XRCC5: variants seen among roughly 807,000 people sequenced by gnomAD.
XRCC5 encodes DNA repair protein Ku80.
Under a neutral mutation model 95.7 loss-of-function variants are expected in XRCC5, and 12 were observed. That is an observed-to-expected ratio of 0.13 (90% CI 0.08 to 0.20). XRCC5 has a LOEUF of 0.20. XRCC5 is among the 10% of genes least tolerant of loss of function. The pLI is 1.00. For missense variants in XRCC5, 595 were observed against 873.9 expected (o/e 0.68, Z 4.02); for synonymous variants, 281 against 290.3 (o/e 0.97, Z 0.33).
chr2:216,121,761 A>G (rs1207083845), intron 5 of XRCC5, among the ~76,000 whole-genome samples: 2 of 152,306 alleles, frequency 1.3e-5, no homozygotes, highest in East Asian at 1.9e-4. Context: ...AAGGTAAAAT[A>G]GAGACAGAGA....
At chr2:216,176,831 CA>C (rs1689287061) in intron 16 of XRCC5, among the ~76,000 whole-genome samples, 1 of 152,152 alleles carries the variant, frequency 6.6e-6, no homozygotes, top group Non-Finnish European at 1.5e-5. Context: ...CTAATATAGG[CA>C]TTTAAAGCTA....
chr2:216,195,345 T>TTTTTCTTTTCTTTTC (rs10623248), intron 19 of XRCC5, among the ~76,000 whole-genome samples: 8,347 of 125,162 alleles, frequency 0.067, 430 homozygotes, highest in East Asian at 0.15. Flanking sequence ...GTTTTTCTTT[T>TTTTTCTTTTCTTTTC]TTTTCTTTTC....
intron 19 of XRCC5, among the ~76,000 whole-genome samples, chr2:216,202,460 GTA>G (rs1252326553): frequency 1.3e-5 from 2 of 152,186 alleles, no homozygotes; most frequent in Non-Finnish European, 2.9e-5. Flanking sequence ...GCTAGTAAAT[GTA>G]TAGATTTTTT....
At chr2:216,189,547 T>C (rs1689575392) in intron 16 of XRCC5, among the ~76,000 whole-genome samples, 1 of 152,262 alleles carries the variant, frequency 6.6e-6, no homozygotes, top group African/African-American at 2.4e-5. Context: ...GCATTTTCTC[T>C]TTCTGTAGCA....
intron 1 of XRCC5, 115 bp downstream of exon 1, chr2:216,109,572 C>G: frequency 1.4e-6 from 2 of 1,467,680 alleles, no homozygotes; most frequent in Non-Finnish European, 9.3e-7. Flanking sequence ...AAGAGAAGAT[C>G]ATGGTGGTGG....
intron 19 of XRCC5, among the ~76,000 whole-genome samples, chr2:216,201,757 A>C (rs1044808829): frequency 2.6e-5 from 4 of 152,142 alleles, no homozygotes; most frequent in Non-Finnish European, 5.9e-5. Context: ...TTTTATTGAG[A>C]AAGCAGGCCA....
intron 1 of XRCC5, among the ~76,000 whole-genome samples, chr2:216,112,348 A>G (rs1486336286): frequency 6.6e-6 from 1 of 152,210 alleles, no homozygotes; most frequent in Non-Finnish European, 1.5e-5. Context: ...CCGCTCTGGT[A>G]TCCCCTCCAC....
intron 3 of XRCC5, chr2:216,117,149 A>G (rs892015424): frequency 1.5e-4 from 44 of 284,370 alleles, no homozygotes; most frequent in African/African-American, 9.1e-4. Context: ...AGAGGGTTTT[A>G]GTGGTGCTCG....
intron 16 of XRCC5, among the ~76,000 whole-genome samples, chr2:216,163,976 TAGAAGG>T (rs1689003910): frequency 6.6e-6 from 1 of 152,182 alleles, no homozygotes. Flanking sequence ...CTCATGTAAA[TAGAAGG>T]AGATCTGAAG....
At chr2:216,194,489 G>C (rs1005850978) in intron 18 of XRCC5, among the ~76,000 whole-genome samples, 1 of 152,246 alleles carries the variant, frequency 6.6e-6, no homozygotes, top group African/African-American at 2.4e-5. Flanking sequence ...GATTTCTAAA[G>C]AAGGGGAGAC....
chr2:216,188,691 A>G (rs936067547), intron 16 of XRCC5, among the ~76,000 whole-genome samples: 1 of 152,170 alleles, frequency 6.6e-6, no homozygotes, highest in African/African-American at 2.4e-5. Context: ...TTCAAGCTGA[A>G]AAGGGGAGAT....
chr2:216,133,677 G>C (rs1259544260), intron 10 of XRCC5, among the ~76,000 whole-genome samples: 2 of 152,152 alleles, frequency 1.3e-5, no homozygotes, highest in Non-Finnish European at 2.9e-5. Flanking sequence ...ACTAATTTCT[G>C]TATATCATAG....
intron 17 of XRCC5, among the ~76,000 whole-genome samples, chr2:216,191,877 A>C (rs953575294): frequency 6.6e-6 from 1 of 152,196 alleles, no homozygotes; most frequent in Non-Finnish European, 1.5e-5. Flanking sequence ...TATTTCATAC[A>C]AGAATATTCA....
chr2:216,135,829 G>A (rs2106011767), intron 10 of XRCC5, among the ~76,000 whole-genome samples: 1 of 151,898 alleles, frequency 6.6e-6, no homozygotes, highest in South Asian at 2.1e-4. Flanking sequence ...TGAGAATGGT[G>A]CGGTGGCATT....
chr2:216,197,448 G>GAAA (rs369842827), intron 19 of XRCC5, among the ~76,000 whole-genome samples: 8 of 110,312 alleles, frequency 7.3e-5, no homozygotes, highest in East Asian at 2.6e-4. Context: ...TCTGTCCCAG[G>GAAA]AAAAAAAAAA....
chr2:216,136,162 G>A (rs2106011935), intron 10 of XRCC5, among the ~76,000 whole-genome samples: 1 of 152,150 alleles, frequency 6.6e-6, no homozygotes, highest in South Asian at 2.1e-4. Flanking sequence ...TTTGAGACCA[G>A]CCTGACCAAC....
At chr2:216,138,821 G>C (rs755962540) in intron 12 of XRCC5, among the ~76,000 whole-genome samples, 2 of 151,748 alleles carry the variant, frequency 1.3e-5, no homozygotes, top group African/African-American at 4.8e-5. Flanking sequence ...ATACCAAAAA[G>C]AACAACAAAT....
chr2:216,116,577 G>A (rs1037249479), intron 2 of XRCC5, 82 bp from the exon 3 acceptor site: 39 of 1,539,948 alleles, frequency 2.5e-5, no homozygotes, highest in Non-Finnish European at 3.3e-5. Context: ...AGGTCTGGTT[G>A]TCCTGCTCCC....
chr2:216,132,260 ATG>A, intron 9 of XRCC5, 63 bp from the exon 10 acceptor site: 1 of 1,469,652 alleles, frequency 6.8e-7, no homozygotes, highest in Non-Finnish European at 9.5e-7. Context: ...TTTCTTGGCA[ATG>A]TGTGTCATGG....
Sources: gnomAD v4.1 joint callset for allele counts (sites outside exome capture counted in the v4.1 genomes callset) on GRCh38, gnomAD v4.1.1 for gene constraint, MANE v1.5 for transcripts, NCBI Gene and HGNC (gene_info 2026-07-23, HGNC 2026-07-21) for gene names.